NCL: variants seen among roughly 807,000 people sequenced by gnomAD.
The protein encoded by NCL is nucleolin multifunctional protein.
In NCL, 4 loss-of-function variants were observed where a neutral mutation model predicts 77.7. The observed-to-expected ratio is 0.05, with a 90% CI of 0.03 to 0.12. NCL has a LOEUF of 0.12. NCL is among the 10% of genes least tolerant of loss of function. The probability of loss-of-function intolerance (pLI) is 1.00; values close to 1 mark genes in which losing one functional copy is unlikely to be tolerated. For synonymous variants in NCL, 344 were observed against 297.8 expected, an observed-to-expected ratio of 1.16 and a Z score of -1.60; for missense variants, 763 against 860.9, an observed-to-expected ratio of 0.89 and a Z score of 1.42.
rs531254156 is a variant in NCL, at chr2:231,454,817, CTTTCT to C, written c.*369_*373del. 4.3e-5 allele frequency: 7 copies of C among 164,336 alleles called. No homozygotes were observed. Among genetic ancestry groups the C allele is most frequent in the East Asian group, 3.4e-4 (2 of 5,934 alleles). 10.2% of individuals were successfully genotyped at this position (164,336 alleles called of 1,614,324 possible). On this transcript the variant is annotated 3_prime_UTR_variant, in exon 14 of 14. Coordinates refer to ENST00000322723, the MANE Select transcript of NCL (RefSeq NM_005381.3). ...GCAAAAACCATGATAAAACATTCTG[CTTTCT>C]TTTCTTTTACAACCCCACGAACGCA...
chr2:231,458,841 G>A, intron 7 of NCL, 160 bp downstream of exon 7: 1 of 796,096 alleles, frequency 1.3e-6, no homozygotes, highest in Non-Finnish European at 1.8e-6. Context: ...AAGTACTCTT[G>A]TAAACACTGT....
chr2:231,460,436 G>A, intron 5 of NCL, 42 bp downstream of exon 5: 1 of 1,592,854 alleles, frequency 6.3e-7, no homozygotes, highest in Non-Finnish European at 8.6e-7. Flanking sequence ...TTCATCATTT[G>A]TGCTGTTTAT....
In NCL at chr2:231,460,564, T is replaced by C; in HGVS notation, c.812A>G (p.Glu271Gly). 1 of 1,614,218 alleles carries C rather than the reference T, an allele frequency of 6.2e-7. No homozygotes were observed. Among genetic ancestry groups the C allele is most frequent in the Admixed American group, 1.7e-5 (1 of 60,028 alleles). Residue 271 changes from glutamate (E) to glycine (G), a missense_variant and splice_region_variant, in exon 5 of 14, where the codon GAG (glutamate) becomes GGG (glycine). Glu to Gly is a moderately conservative substitution (Grantham distance 98). Transcript: ENST00000322723. The stretch of plus-strand genomic sequence containing the variant: ...TTTTCCAGGTGCTTCTTTGACAGGC[T>C]CTGGACAAGATGTCAAACAATGTAT... Reference protein sequence around the residue: ...DEEEEEEEEEEPVKEAPGKRK... With the variant: ...DEEEEEEEEEGPVKEAPGKRK...
In NCL at chr2:231,458,397, A is replaced by T. The variant is rs770191216; in HGVS notation, c.1166-8T>A. 6.2e-7 allele frequency: 1 copy of T among 1,609,648 alleles called. No homozygotes were observed. The highest frequency in any genetic ancestry group is 1.1e-5 in the South Asian group (1 of 89,980). The stretch of plus-strand genomic sequence containing the variant: ...GTGTTCTCGCATCTCGCTCTAGATT[A>T]AAAAAACAAAAATGAGCTCTGTGGC... On this transcript the variant is annotated splice_polypyrimidine_tract_variant and splice_region_variant and intron_variant, in intron 7 of 13. Transcript: ENST00000322723.
intron 6 of NCL, 80 bp downstream of exon 6, chr2:231,460,072 A>G (rs1457416607): frequency 7.0e-7 from 1 of 1,419,300 alleles, no homozygotes; most frequent in Non-Finnish European, 9.6e-7. Context: ...TAACAGTAGC[A>G]GGCTAAAGTA....
chr2:231,462,241 A>T (rs2046959887), intron 2 of NCL, among the ~76,000 whole-genome samples: 1 of 152,200 alleles, frequency 6.6e-6, no homozygotes, highest in Non-Finnish European at 1.5e-5. Context: ...AACACTTAAA[A>T]ATACCTCTGA....
At chr2:231,461,419 A>T in intron 3 of NCL, 121 bp downstream of exon 3, 3 of 1,476,718 alleles carry the variant, frequency 2.0e-6, no homozygotes, top group Non-Finnish European at 2.7e-6. Context: ...ACAACAACCC[A>T]GAGAATTCCC....
intron 12 of NCL, 148 bp from the exon 13 acceptor site, chr2:231,455,772 A>C (rs2046881286): frequency 8.5e-7 from 1 of 1,173,060 alleles, no homozygotes; most frequent in African/African-American, 1.5e-5. Flanking sequence ...TCTATGGAAA[A>C]CTAACTGGTG....
intron 1 of NCL, chr2:231,464,016 T>G: frequency 1.2e-6 from 1 of 853,582 alleles, no homozygotes; most frequent in Non-Finnish European, 1.5e-6. Flanking sequence ...GGCACGTGCG[T>G]CAGGAGTCGA....
chr2:231,464,219 C>G, intron 1 of NCL, 117 bp downstream of exon 1: 1 of 1,489,238 alleles, frequency 6.7e-7, no homozygotes, highest in Non-Finnish European at 9.0e-7. Context: ...AGACTTCCCG[C>G]AGCATGGCGC....
Position 231,454,560 on chromosome 2 carries a change from T to TTCAAG in NCL, c.*626_*630dup, listed in dbSNP as rs1276426081. The TTCAAG allele has an allele frequency of 6.5e-6, 1 of 152,952 alleles. No individual in the cohort carries two copies. The highest frequency in any genetic ancestry group is 1.5e-5 in the Non-Finnish European group (1 of 68,644). 9.5% of individuals were successfully genotyped at this position (152,952 alleles called of 1,614,324 possible). On this transcript the variant is annotated 3_prime_UTR_variant, in exon 14 of 14. Transcript: ENST00000322723. ...AAAAGTAGGAGAAGCTGCAGCAGCC[T>TTCAAG]TCAAGTCAGCACCAGGGCTGCAGGA... is the stretch of plus-strand genomic sequence containing the variant.
At chr2:231,463,584 AC>A in intron 1 of NCL, 1 of 450,378 alleles carries the variant, frequency 2.2e-6, no homozygotes, top group South Asian at 2.7e-5. Context: ...TCCTCCCGTT[AC>A]CTTAGTTAAG....
intron 4 of NCL, 30 bp from the exon 5 acceptor site, chr2:231,460,594 C>A: frequency 1.9e-6 from 3 of 1,614,204 alleles, no homozygotes; most frequent in Non-Finnish European, 8.5e-7. Context: ...ATGTATCACA[C>A]ATCAGTAGCC....
At position 231,460,725 on chromosome 2, in the gene NCL, T is replaced by C. The variant is rs1256120944; in HGVS notation, c.755A>G (p.Asp252Gly). ...DEDEDDDDDE[D>G]DEDDDDEDDE... is the part of the protein sequence containing the mutation. ...ATCTTCATCATCATCATCTTCATCA[T>C]CTTCGTCGTCGTCGTCATCCTCGTC... Residue 252 changes from aspartate to glycine, a missense_variant, in exon 4 of 14, where the codon GAT (aspartate) becomes GGT (glycine). Around this residue, in one of 2 missense-constraint regions of NCL, gnomAD observed 590 missense variants for 570.5 expected, o/e 1.03. Coordinates refer to ENST00000322723, the MANE Select transcript of NCL (RefSeq NM_005381.3). 8 of 1,612,384 alleles carry C rather than the reference T, an allele frequency of 5.0e-6. No homozygotes were observed. Among genetic ancestry groups the C allele is most frequent in the East Asian group, 2.2e-5 (1 of 44,878 alleles).
chr2:231,462,319 A>G (rs779749558), intron 2 of NCL, among the ~76,000 whole-genome samples: 2 of 152,190 alleles, frequency 1.3e-5, no homozygotes, highest in Admixed American at 6.5e-5. Context: ...GAAAATGGTA[A>G]TAGTATCATC....
rs558008297 is a variant in NCL, at chr2:231,456,025, G to C, written c.1817C>G (p.Thr606Ser). ...VRARIVTDRE[T>S]GSSKGFGFVD... Reference sequence around the variant, plus strand: ...CTTCCCTTACCCTTTGGAGGACCCAGTTTCCCGGTCAGTAACTATCCTTGC... The same window carrying C: ...CTTCCCTTACCCTTTGGAGGACCCACTTTCCCGGTCAGTAACTATCCTTGC... The change falls in exon 12 of 14, where the codon ACT (threonine) becomes AGT (serine). Residue 606 changes from threonine to serine, a missense_variant. Around this residue, in one of 2 missense-constraint regions of NCL, gnomAD observed 173 missense variants for 290.4 expected, o/e 0.60. Coordinates refer to ENST00000322723, the MANE Select transcript of NCL (RefSeq NM_005381.3). 1 of 1,614,164 alleles carries C rather than the reference G, an allele frequency of 6.2e-7. No individual in the cohort carries two copies. Among genetic ancestry groups the C allele is most frequent in the Admixed American group, 1.7e-5 (1 of 60,020 alleles).
chr2:231,457,030 T>C lies in NCL; in HGVS notation c.1542A>G (p.Val514=), dbSNP rs566080913. Residue 514 remains valine (V), a synonymous_variant, in exon 10 of 14, where the codon GTA becomes GTG. Coordinates refer to ENST00000322723, the MANE Select transcript of NCL (RefSeq NM_005381.3). The part of the protein sequence containing the change: ...EVFEKATFIK[V]PQNQNGKSKG... ...TAGATTTGCCATTTTGGTTCTGGGG[T>C]ACTTTGATAAAAGTTGCTTTCTCAA... The C allele has an allele frequency of 3.7e-6, 6 of 1,614,134 alleles. No homozygotes were observed. The Admixed American group carries it at 6.7e-5, about 18-fold the overall frequency.
chr2:231,461,667 GTCCTCGTCATCC>G lies in NCL; in HGVS notation c.474_485del (p.Glu158_Glu161del), dbSNP rs2046952938. 1 of 1,610,188 alleles carries G rather than the reference GTCCTCGTCATCC, an allele frequency of 6.2e-7. No homozygotes were observed. Among genetic ancestry groups the G allele is most frequent in the South Asian group, 1.1e-5 (1 of 90,986 alleles). On this transcript the variant is annotated inframe_deletion, in exon 3 of 14. Transcript: ENST00000322723. ...CAATTTCATCTTCATCCTCATCCTC[GTCCTCGTCATCC>G]TCCTCATCCTCCTCACTGTCATCAT...
chr2:231,458,632 G>T, intron 7 of NCL: 1 of 515,334 alleles, frequency 1.9e-6, no homozygotes, highest in Non-Finnish European at 3.4e-6. Flanking sequence ...TAGAGTAGAC[G>T]CGCATAACAA....
Sources: allele counts gnomAD v4.1 joint callset (sites outside exome capture counted in the v4.1 genomes callset), GRCh38; gene constraint gnomAD v4.1.1; regional missense constraint gnomAD v4.1.1; transcripts MANE v1.5; gene names NCBI Gene and HGNC (gene_info 2026-07-23, HGNC 2026-07-21).